The following PXDNL variants were observed in gnomAD, a reference collection of about 807,000 sequenced individuals.
PXDNL encodes probable oxidoreductase PXDNL.
Under a neutral mutation model 150.8 loss-of-function variants are expected in PXDNL, and 145 were observed. The ratio of observed to expected loss-of-function variants is 0.96; its 90% confidence interval spans 0.84 to 1.10. The LOEUF (loss-of-function observed/expected upper bound fraction) is 1.10, where lower values mean the gene tolerates loss of function less well. PXDNL is among the 50% of genes least tolerant of loss of function. The pLI, the probability that PXDNL is intolerant of heterozygous loss-of-function variation, is 0.00. For synonymous variants in PXDNL, 757 were observed against 725.7 expected (o/e 1.04, Z -0.69); for missense variants, 2,087 against 1,873.9 (o/e 1.11, Z -2.10).
chr8:51,809,175 A>G lies in PXDNL; in HGVS notation c.164+6T>C. On this transcript the variant is annotated splice_donor_region_variant and intron_variant, in intron 1 of 22. Coordinates refer to ENST00000356297, the MANE Select transcript of PXDNL (RefSeq NM_144651.5). ...GAGGGTTTCTGGGGAATTTATGTGA[A>G]CTTACAGAACTGTGGTCTGCTGTGG... 6.2e-7 allele frequency: 1 copy of G among 1,613,574 alleles called. No individual in the cohort carries two copies. Among genetic ancestry groups the G allele is most frequent in the Non-Finnish European group, 8.5e-7 (1 of 1,179,710 alleles).
At chr8:51,516,322 A>T (rs919691658) in intron 4 of PXDNL, among the ~76,000 whole-genome samples, 1 of 152,220 alleles carries the variant, frequency 6.6e-6, no homozygotes, top group Non-Finnish European at 1.5e-5. Context: ...TAGAAACACA[A>T]ATTCAAGTCA....
At chr8:51,524,145 T>C in intron 4 of PXDNL, among the ~76,000 whole-genome samples, 1 of 4,342 alleles carries the variant, frequency 2.3e-4, no homozygotes, top group Non-Finnish European at 8.1e-4. Context: ...GATGGAGTCA[T>C]ACCTGATATA....
At chr8:51,691,445 G>T (rs1260652383) in intron 1 of PXDNL, among the ~76,000 whole-genome samples, 2 of 151,686 alleles carry the variant, frequency 1.3e-5, no homozygotes, top group Admixed American at 6.6e-5. Flanking sequence ...CCCTTTGCTT[G>T]TTTTTTTCAG....
intron 1 of PXDNL, among the ~76,000 whole-genome samples, chr8:51,691,604 A>G (rs998849511): frequency 9.2e-5 from 14 of 152,152 alleles, no homozygotes; most frequent in African/African-American, 3.4e-4. Context: ...AATATAAAAT[A>G]AAGTTTAAAG....
chr8:51,401,944 T>C (rs1368091364), intron 17 of PXDNL, among the ~76,000 whole-genome samples: 1 of 151,986 alleles, frequency 6.6e-6, no homozygotes, highest in African/African-American at 2.4e-5. Context: ...AATATGAAAG[T>C]TGATAAATAT....
intron 1 of PXDNL, among the ~76,000 whole-genome samples, chr8:51,680,866 T>A (rs1436841353): frequency 6.6e-6 from 1 of 152,228 alleles, no homozygotes; most frequent in Admixed American, 6.5e-5. Flanking sequence ...ACACGTTCAG[T>A]TAATCAGCAG....
chr8:51,593,698 C>T (rs1165287766), intron 2 of PXDNL, among the ~76,000 whole-genome samples: 2 of 152,170 alleles, frequency 1.3e-5, no homozygotes, highest in African/African-American at 4.8e-5. Context: ...TCACTGTAGG[C>T]CTCACTGTTA....
chr8:51,464,498 ATG>A (rs1455954720), intron 8 of PXDNL, among the ~76,000 whole-genome samples: 1 of 152,298 alleles, frequency 6.6e-6, no homozygotes, highest in East Asian at 1.9e-4. Context: ...AAAAAGAGAG[ATG>A]TTTCAAATAA....
At position 51,570,804 on chromosome 8, in the gene PXDNL, T is replaced by C. The variant is rs372638480; in HGVS notation, c.309-13893A>G. Among the ~76,000 whole-genome samples, 34 of 151,966 alleles carry C rather than the reference T, an allele frequency of 2.2e-4. 1 individual carries two copies. The East Asian group carries it at 2.5e-3, about 11-fold the overall frequency. On this transcript the variant is annotated intron_variant, in intron 3 of 22. Coordinates refer to ENST00000356297, the MANE Select transcript of PXDNL (RefSeq NM_144651.5). ...GATATAAACTGTATAAAATGGTAAA[T>C]GAGAAATATACACAAAATTCTTACT... is the stretch of plus-strand genomic sequence containing the variant.
chr8:51,452,618 G>A (rs1291781210), intron 10 of PXDNL, among the ~76,000 whole-genome samples: 1 of 152,172 alleles, frequency 6.6e-6, no homozygotes, highest in Non-Finnish European at 1.5e-5. Context: ...CCCAACCCAG[G>A]CACTGCACTA....
intron 4 of PXDNL, among the ~76,000 whole-genome samples, chr8:51,526,545 G>A (rs4321993): frequency 0.19 from 28,657 of 151,936 alleles, 2,948 homozygotes; most frequent in Admixed American, 0.26. Context: ...GCTAAGGAGA[G>A]CTATTTTATC....
intron 4 of PXDNL, among the ~76,000 whole-genome samples, chr8:51,529,489 T>C (rs1811843497): frequency 1.3e-5 from 2 of 152,238 alleles, no homozygotes; most frequent in South Asian, 4.1e-4. Flanking sequence ...TGTAATTTCA[T>C]TTGCCTTTTC....
chr8:51,612,745 G>A (rs1459548491), intron 2 of PXDNL, among the ~76,000 whole-genome samples: 1 of 152,188 alleles, frequency 6.6e-6, no homozygotes, highest in Non-Finnish European at 1.5e-5. Flanking sequence ...GCCAGCCCCT[G>A]GCCATGCTGG....
Position 51,447,094 on chromosome 8 carries a change from C to T in PXDNL, c.1435G>A (p.Ala479Thr), listed in dbSNP as rs781211130. ...TCATATTGGCCTTGATCGTGCTGTG[C>T]TGCACGGTCAATTCTCAAAGTGCCA... ...SSGTLRIDRA[A>T]QHDQGQYECQ... The change falls in exon 12 of 23, where the codon GCA becomes ACA. Residue 479 changes from alanine (A) to threonine (T), a missense_variant. Transcript: ENST00000356297. The T allele has an allele frequency of 1.2e-6, 2 of 1,613,994 alleles. No individual in the cohort carries two copies. The highest frequency in any genetic ancestry group is 1.7e-6 in the Non-Finnish European group (2 of 1,179,880).
intron 4 of PXDNL, among the ~76,000 whole-genome samples, chr8:51,501,985 CAGGCCCAGGCCTGT>C (rs1811194805): frequency 6.6e-6 from 1 of 152,184 alleles, no homozygotes; most frequent in African/African-American, 2.4e-5. Context: ...GTATACTGGA[CAGGCCCAGGCCTGT>C]AGAGTACAAA....
Position 51,612,844 on chromosome 8 carries a change from A to C in PXDNL, c.237-20146T>G, listed in dbSNP as rs1432072232. 3.1e-4 allele frequency among the ~76,000 whole-genome samples: 47 copies of C among 152,232 alleles called. 1 individual carries two copies. Among genetic ancestry groups the C allele is most frequent in the Admixed American group, 3.1e-3 (47 of 15,284 alleles). On this transcript the variant is annotated intron_variant, in intron 2 of 22. Transcript: ENST00000356297. ...CACTCAGTCTATGATATTTTGTTAT[A>C]TAACAGCCTGAATAAACTAAGACAC...
At chr8:51,653,366 C>T (rs1035168068) in intron 2 of PXDNL, among the ~76,000 whole-genome samples, 1 of 151,926 alleles carries the variant, frequency 6.6e-6, no homozygotes. Flanking sequence ...TGCAGTGAGC[C>T]GAGATTGTGC....
intron 1 of PXDNL, among the ~76,000 whole-genome samples, chr8:51,800,707 T>A (rs1418614230): frequency 6.6e-6 from 1 of 152,230 alleles, no homozygotes; most frequent in Non-Finnish European, 1.5e-5. Context: ...TTTACTGCAA[T>A]CTCTGAACAT....
chr8:51,568,044 T>C (rs1004090837), intron 3 of PXDNL, among the ~76,000 whole-genome samples: 1 of 151,802 alleles, frequency 6.6e-6, no homozygotes, highest in Admixed American at 6.6e-5. Context: ...TTCCAATTTC[T>C]TTTTTCTATC....
Sources: gnomAD v4.1 joint callset for allele counts (sites outside exome capture counted in the v4.1 genomes callset) on GRCh38, gnomAD v4.1.1 for gene constraint, MANE v1.5 for transcripts, NCBI Gene and HGNC (gene_info 2026-07-23, HGNC 2026-07-21) for gene names.